CWC27: variants seen among roughly 807,000 people sequenced by gnomAD.
CWC27 encodes the protein CWC27 spliceosome associated cyclophilin.
CWC27 carries 47 observed loss-of-function variants against 63.6 expected under a neutral mutation model. The ratio of observed to expected loss-of-function variants is 0.74; its 90% CI spans 0.58 to 0.94. The LOEUF is 0.94. CWC27 is among the 40% of genes least tolerant of loss of function. CWC27 has a pLI of 0.00. For synonymous variants in CWC27, 175 were observed against 179.8 expected (o/e 0.97, Z 0.22); for missense variants, 495 against 554.3 (o/e 0.89, Z 1.07).
intron 11 of CWC27, among the ~76,000 whole-genome samples, chr5:64,931,309 AAT>A (rs1188886736): frequency 6.6e-6 from 1 of 151,612 alleles, no homozygotes; most frequent in East Asian, 1.9e-4. Context: ...TGGGAGAGAG[AAT>A]AATAAAACAT....
At chr5:64,807,729 C>T in intron 10 of CWC27, 1 of 1,535,910 alleles carries the variant, frequency 6.5e-7, no homozygotes, top group South Asian at 1.2e-5. Flanking sequence ...TTCCTTATTA[C>T]TCACTCGCCA....
At chr5:64,843,145 A>G (rs761871033) in intron 10 of CWC27, among the ~76,000 whole-genome samples, 35 of 152,234 alleles carry the variant, frequency 2.3e-4, no homozygotes, top group Non-Finnish European at 4.3e-4. Flanking sequence ...TCAGTTGTAT[A>G]TCTCAGTACA....
Position 65,001,635 on chromosome 5 carries a change from T to C in CWC27, c.1257-16524T>C, listed in dbSNP as rs577667778. Among the ~76,000 whole-genome samples the C allele has an allele frequency of 1.1e-4, 17 of 152,278 alleles. No homozygotes were observed. The East Asian group carries it at 3.1e-3, about 28-fold the overall frequency. On this transcript the variant is annotated intron_variant, in intron 13 of 13. Coordinates refer to ENST00000381070, the MANE Select transcript of CWC27 (RefSeq NM_005869.4). ...TGTATTACATTTATTGATTTGTGTA[T>C]GTTGAACCATAACTGCATCCCTGGG...
intron 10 of CWC27, among the ~76,000 whole-genome samples, chr5:64,853,103 A>G (rs1746176240): frequency 6.6e-6 from 1 of 152,200 alleles, no homozygotes; most frequent in African/African-American, 2.4e-5. Context: ...GGACAGAATC[A>G]GGATTGGTGA....
At chr5:64,930,499 G>A (rs1055773476) in intron 11 of CWC27, among the ~76,000 whole-genome samples, 5 of 152,066 alleles carry the variant, frequency 3.3e-5, no homozygotes, top group African/African-American at 1.2e-4. Flanking sequence ...CTGAATGAAT[G>A]AATGAATACT....
At chr5:64,995,203 C>T (rs1246085984) in intron 13 of CWC27, among the ~76,000 whole-genome samples, 1 of 151,968 alleles carries the variant, frequency 6.6e-6, no homozygotes, top group Non-Finnish European at 1.5e-5. Context: ...AACTCCTGGC[C>T]TCGAGCGATC....
At chr5:64,917,322 A>G (rs1168633498) in intron 11 of CWC27, among the ~76,000 whole-genome samples, 2 of 152,216 alleles carry the variant, frequency 1.3e-5, no homozygotes, top group African/African-American at 4.8e-5. Flanking sequence ...ATTAGTTGGC[A>G]TATTTCCTTG....
At chr5:64,977,010 GT>G in intron 12 of CWC27, 124 bp from the exon 13 acceptor site, 1 of 505,876 alleles carries the variant, frequency 2.0e-6, no homozygotes, top group South Asian at 4.2e-5. Flanking sequence ...TGTTCTTTTT[GT>G]TCAAAATCAA....
At chr5:64,960,669 A>G (rs1449392873) in intron 11 of CWC27, among the ~76,000 whole-genome samples, 1 of 152,214 alleles carries the variant, frequency 6.6e-6, no homozygotes, top group Non-Finnish European at 1.5e-5. Flanking sequence ...TTATTACCAC[A>G]TCACCTTTAT....
intron 11 of CWC27, among the ~76,000 whole-genome samples, chr5:64,900,439 T>G (rs1747474384): frequency 6.6e-6 from 1 of 152,240 alleles, no homozygotes; most frequent in Non-Finnish European, 1.5e-5. Flanking sequence ...TTTAGACTTC[T>G]TTATATTCTT....
intron 4 of CWC27, among the ~76,000 whole-genome samples, chr5:64,784,605 C>T (rs1356594430): frequency 6.6e-6 from 1 of 152,144 alleles, no homozygotes; most frequent in Non-Finnish European, 1.5e-5. Context: ...GCGCCCTCTG[C>T]TGGTTCAGTA....
intron 10 of CWC27, among the ~76,000 whole-genome samples, chr5:64,805,069 A>G (rs1239517880): frequency 1.3e-5 from 2 of 152,006 alleles, no homozygotes; most frequent in East Asian, 3.9e-4. Context: ...TGTTTTCTTC[A>G]AATACTATTT....
At chr5:64,788,634 A>T (rs1298349114) in intron 6 of CWC27, among the ~76,000 whole-genome samples, 1 of 151,974 alleles carries the variant, frequency 6.6e-6, no homozygotes. Context: ...AGTTTTGATA[A>T]ATATAAAAAA....
At chr5:64,955,450 ACAAG>A (rs773629887) in intron 11 of CWC27, among the ~76,000 whole-genome samples, 1 of 152,216 alleles carries the variant, frequency 6.6e-6, no homozygotes, top group Non-Finnish European at 1.5e-5. Flanking sequence ...AAAACAAGCC[ACAAG>A]CAATATGACC....
chr5:64,977,233 A>G lies in CWC27; in HGVS notation c.1251A>G (p.Glu417=). Residue 417 remains glutamate (E), a synonymous_variant, in exon 13 of 14, where the codon GAA becomes GAG. Coordinates refer to ENST00000381070, the MANE Select transcript of CWC27 (RefSeq NM_005869.4). ...DIPETEVEDD[E]GWMSHVLQFE... ...CTGAAACAGAAGTAGAAGATGATGA[A>G]GGATGGTAAGGGCTTTGATTTCTGT... is the stretch of plus-strand genomic sequence containing the variant. The G allele has an allele frequency of 6.2e-7, 1 of 1,601,012 alleles. No homozygotes were observed. The highest frequency in any genetic ancestry group is 8.6e-7 in the Non-Finnish European group (1 of 1,169,018).
chr5:64,844,684 G>C lies in CWC27; in HGVS notation c.938+40298G>C, dbSNP rs10056851. 9.2e-3 allele frequency among the ~76,000 whole-genome samples: 1,401 copies of C among 152,314 alleles called. 28 individuals are homozygous for C. Among genetic ancestry groups the C allele is most frequent in the African/African-American group, 0.033 (1,351 of 41,568 alleles). On this transcript the variant is annotated intron_variant, in intron 10 of 13. Coordinates refer to ENST00000381070, the MANE Select transcript of CWC27 (RefSeq NM_005869.4). ...AAATGGTCTAGACTGACTTGACATG[G>C]GTGCTCAAGCAGTGGCTCCATTCAG...
chr5:64,874,400 G>A (rs533777117), intron 10 of CWC27, among the ~76,000 whole-genome samples: 7 of 151,706 alleles, frequency 4.6e-5, no homozygotes, highest in South Asian at 4.2e-4. Flanking sequence ...GACCTCGTTC[G>A]TGATCCTCCT....
Position 64,801,323 on chromosome 5 carries a change from T to G in CWC27, c.771T>G (p.Asp257Glu). ...VVESEKGDAP[D>E]LVDDGEDESA... Reference sequence around the variant, plus strand: ...ATAGTGAAAAAGGTGATGCACCAGATTTAGTTGATGTAAGTATTTATTTTG... The same window carrying G: ...ATAGTGAAAAAGGTGATGCACCAGAGTTAGTTGATGTAAGTATTTATTTTG... Residue 257 changes from aspartate to glutamate, a missense_variant, in exon 9 of 14, where the codon GAT (aspartate) becomes GAG (glutamate). By Grantham distance (45) the Asp-to-Glu change is conservative (BLOSUM62 2). Transcript: ENST00000381070. 1 of 1,392,458 alleles carries G rather than the reference T, an allele frequency of 7.2e-7. No individual in the cohort carries two copies. The highest frequency in any genetic ancestry group is 9.7e-7 in the Non-Finnish European group (1 of 1,035,478). The allele number at this position is 1,392,458 out of a possible 1,614,324, so 86.3% of individuals were successfully genotyped here. A position where few individuals can be genotyped will look rare whatever the true frequency, so the allele number is the denominator to read the frequency against.
intron 9 of CWC27, among the ~76,000 whole-genome samples, chr5:64,803,951 G>T (rs1378833132): frequency 2.0e-5 from 3 of 152,086 alleles, no homozygotes; most frequent in Non-Finnish European, 4.4e-5. Context: ...GAGTGACACA[G>T]AGGGAGAAGT....
Sources: gnomAD v4.1 joint callset for allele counts (sites outside exome capture counted in the v4.1 genomes callset) on GRCh38, gnomAD v4.1.1 for gene constraint, MANE v1.5 for transcripts, NCBI Gene and HGNC (gene_info 2026-07-23, HGNC 2026-07-21) for gene names.